HECTD4: variants seen among roughly 807,000 people sequenced by gnomAD.
HECTD4 encodes the protein probable E3 ubiquitin-protein ligase HECTD4.
Under a neutral mutation model 471.5 loss-of-function variants are expected in HECTD4, and 114 were observed. That is an observed-to-expected ratio of 0.24 (90% confidence interval 0.21 to 0.28). The LOEUF is 0.28. Ranked by LOEUF, HECTD4 falls within the 10% of genes least tolerant of loss-of-function variation. The pLI, the probability that HECTD4 is intolerant of heterozygous loss-of-function variation, is 1.00. For missense variants in HECTD4, 3,866 were observed against 5,651.5 expected, an observed-to-expected ratio of 0.68 and a Z score of 10.13; for synonymous variants, 2,012 against 2,256.0, an observed-to-expected ratio of 0.89 and a Z score of 3.07.
chr12:112,279,124 A>G lies in HECTD4; in HGVS notation c.1687+104T>C. 3 of 980,104 alleles carry G rather than the reference A, an allele frequency of 3.1e-6. No individual in the cohort carries two copies. In the South Asian group the frequency reaches 4.7e-5, roughly 15 times the overall value. The allele number at this position is 980,104 out of a possible 1,614,324, so 60.7% of individuals were successfully genotyped here. A position where few individuals can be genotyped will look rare whatever the true frequency, so the allele number is the denominator to read the frequency against. ...TTTTTTGTTATCAGAGAGCTATTGC[A>G]AACAACTATTTAACAAAGTAAGTTT... On this transcript the variant is annotated intron_variant, in intron 9 of 75. Coordinates refer to ENST00000682272, the MANE Select transcript of HECTD4 (RefSeq NM_001388303.1).
rs2030709200 is a variant in HECTD4, at chr12:112,162,048, G to T, written c.*339C>A. 4.4e-6 allele frequency: 1 copy of T among 226,548 alleles called. No individual in the cohort carries two copies. Among genetic ancestry groups the T allele is most frequent in the Non-Finnish European group, 8.8e-6 (1 of 114,238 alleles). 14.0% of individuals were successfully genotyped at this position (226,548 alleles called of 1,614,324 possible). ...TGTACCCCCGGCTTCCTGCTGGGTG[G>T]TTCTGTGATGGGGAACCAGCTGGGG... On this transcript the variant is annotated 3_prime_UTR_variant, in exon 76 of 76. Coordinates refer to ENST00000682272, the MANE Select transcript of HECTD4 (RefSeq NM_001388303.1). This position sits in a 1 kb window ranked among gnomAD's most constrained non-coding sequence, Gnocchi z 5.2.
chr12:112,357,964 A>G (rs555432230), intron 1 of HECTD4, among the ~76,000 whole-genome samples: 2 of 152,354 alleles, frequency 1.3e-5, no homozygotes, highest in African/African-American at 4.8e-5. Flanking sequence ...GCACTTTGGG[A>G]AGCCGAGGCA....
intron 29 of HECTD4, 53 bp from the exon 30 acceptor site, chr12:112,244,062 C>A: frequency 1.9e-6 from 3 of 1,580,510 alleles, no homozygotes; most frequent in Non-Finnish European, 2.6e-6. Context: ...GTACAACAGC[C>A]AAATGCAACA....
intron 44 of HECTD4, among the ~76,000 whole-genome samples, chr12:112,221,409 T>C (rs1452069930): frequency 6.6e-6 from 1 of 151,920 alleles, no homozygotes; most frequent in Non-Finnish European, 1.5e-5. Flanking sequence ...CCACCATGCC[T>C]GGCTTTTTTG....
At chr12:112,206,267 G>T (rs1803998885) in intron 52 of HECTD4, among the ~76,000 whole-genome samples, 1 of 152,040 alleles carries the variant, frequency 6.6e-6, no homozygotes, top group Non-Finnish European at 1.5e-5. Context: ...GGCCCGGGTG[G>T]GAAGACTGTT....
chr12:112,271,049 T>C (rs1039651391), intron 11 of HECTD4, among the ~76,000 whole-genome samples: 1 of 152,174 alleles, frequency 6.6e-6, no homozygotes. Flanking sequence ...TAATATAAAG[T>C]GGACTTTCTT....
chr12:112,280,000 C>A (rs979905078), intron 8 of HECTD4, among the ~76,000 whole-genome samples: 1 of 152,090 alleles, frequency 6.6e-6, no homozygotes. Flanking sequence ...GATTTGGGAG[C>A]ATTTTAGATT....
At chr12:112,297,097 AGAGGGTGTAGGTGCT>A (rs2035048766) in intron 7 of HECTD4, among the ~76,000 whole-genome samples, 1 of 150,830 alleles carries the variant, frequency 6.6e-6, no homozygotes, top group Non-Finnish European at 1.5e-5. Context: ...ATGTAGGTGC[AGAGGGTGTAGGTGCT>A]GTGGATGTAG....
chr12:112,319,598 C>T lies in HECTD4; in HGVS notation c.322G>A (p.Ala108Thr). 7.0e-7 allele frequency: 1 copy of T among 1,424,052 alleles called. No homozygotes were observed. Among genetic ancestry groups the T allele is most frequent in the Non-Finnish European group, 9.1e-7 (1 of 1,093,686 alleles). The allele number at this position is 1,424,052 out of a possible 1,614,324, so 88.2% of individuals were successfully genotyped here. A position where few individuals can be genotyped will look rare whatever the true frequency, so the allele number is the denominator to read the frequency against. ...RGLWNAQRQL[A>T]LEEQHERESS... ...TCCCTTTCATGCTGTTCTTCTAAGG[C>T]CAGCTGGCGCTGGGCATTCCACAGT... is the stretch of plus-strand genomic sequence containing the variant. Residue 108 changes from alanine (A) to threonine (T), a missense_variant, in exon 2 of 76, where the codon GCC (alanine) becomes ACC (threonine). By Grantham distance (58) the Ala-to-Thr change is moderately conservative (BLOSUM62 0). Coordinates refer to ENST00000682272, the MANE Select transcript of HECTD4 (RefSeq NM_001388303.1). The surrounding 1 kb of genome is among the most constrained non-coding windows in gnomAD (Gnocchi z 5.3).
rs374358416 is a variant in HECTD4 at position 112,167,542 on chromosome 12, G to T, written c.12313-4C>A. 7.0e-6 allele frequency: 11 copies of T among 1,569,686 alleles called. No homozygotes were observed. The highest frequency in any genetic ancestry group is 1.4e-5 in the African/African-American group (1 of 73,710). Reference sequence around the variant, plus strand: ...TCGGGGTCAGGATATACTTGCCCTGGAAGTGGAGGTGGGCATGAGGTGACC... The same window carrying T: ...TCGGGGTCAGGATATACTTGCCCTGTAAGTGGAGGTGGGCATGAGGTGACC... On this transcript the variant is annotated splice_region_variant and splice_polypyrimidine_tract_variant and intron_variant, in intron 71 of 75. Coordinates refer to ENST00000682272, the MANE Select transcript of HECTD4 (RefSeq NM_001388303.1).
chr12:112,351,764 T>C (rs2036251343), intron 1 of HECTD4, among the ~76,000 whole-genome samples: 2 of 152,248 alleles, frequency 1.3e-5, no homozygotes, highest in Non-Finnish European at 2.9e-5. Context: ...ATAAAGATTT[T>C]ACTACCAAGG....
Position 112,319,463 on chromosome 12 carries a change from G to C in HECTD4, c.457C>G (p.Leu153Val). ...SRMGLLLVFPLIQSQSRTDPS... is the reference protein window; with the variant it reads ...SRMGLLLVFPVIQSQSRTDPS... ...TCTGTTCTACTCTGGGACTGAATAA[G>C]GGGGAAGACCAGCAGGAGCCCCATC... The change falls in exon 2 of 76, where the codon CTT (leucine) becomes GTT (valine). Residue 153 changes from leucine to valine, a missense_variant. Transcript: ENST00000682272. This position sits in a 1 kb window ranked among gnomAD's most constrained non-coding sequence, Gnocchi z 5.3. 6.6e-7 allele frequency: 1 copy of C among 1,526,694 alleles called. No individual in the cohort carries two copies. The highest frequency in any genetic ancestry group is 8.8e-7 in the Non-Finnish European group (1 of 1,140,766). 94.6% of individuals were successfully genotyped at this position (1,526,694 alleles called of 1,614,324 possible). A position where few individuals can be genotyped will look rare whatever the true frequency, so the allele number is the denominator to read the frequency against.
In HECTD4 at chr12:112,163,350, C is replaced by A; in HGVS notation, c.12898-86G>T. The A allele has an allele frequency of 7.7e-7, 1 of 1,296,510 alleles. No individual in the cohort carries two copies. The highest frequency in any genetic ancestry group is 1.1e-6 in the Non-Finnish European group (1 of 938,498). 80.3% of individuals were successfully genotyped at this position (1,296,510 alleles called of 1,614,324 possible). On this transcript the variant is annotated intron_variant, in intron 74 of 75. Transcript: ENST00000682272. The surrounding 1 kb of genome is among the most constrained non-coding windows in gnomAD (Gnocchi z 8.2). Reference sequence around the variant, plus strand: ...AGCCCTGGGGTCTGCAGGCCAGGCCCAATCCTGGGGCAGGGTGCAACGTGT... The same window carrying A: ...AGCCCTGGGGTCTGCAGGCCAGGCCAAATCCTGGGGCAGGGTGCAACGTGT...
intron 34 of HECTD4, 130 bp downstream of exon 34, chr12:112,238,922 A>T: frequency 1.2e-6 from 1 of 842,664 alleles, no homozygotes; most frequent in Non-Finnish European, 1.8e-6. Context: ...GAAATCATCC[A>T]CTGATTTAAC....
chr12:112,368,869 T>C (rs1472983549), intron 1 of HECTD4, among the ~76,000 whole-genome samples: 2 of 152,112 alleles, frequency 1.3e-5, no homozygotes, highest in African/African-American at 2.4e-5. Flanking sequence ...ATTTTTCACA[T>C]AGGTAAAAAA....
chr12:112,357,424 G>A (rs926260860), intron 1 of HECTD4, among the ~76,000 whole-genome samples: 1 of 152,172 alleles, frequency 6.6e-6, no homozygotes, highest in African/African-American at 2.4e-5. Flanking sequence ...TACTGGGTGG[G>A]GGGCTAAGGT....
chr12:112,227,054 A>C (rs2033258422), intron 43 of HECTD4, among the ~76,000 whole-genome samples: 1 of 152,260 alleles, frequency 6.6e-6, no homozygotes, highest in African/African-American at 2.4e-5. Context: ...ACTGTCTCTT[A>C]AAAGCTTTTC....
chr12:112,364,676 C>A (rs2036526389), intron 1 of HECTD4, among the ~76,000 whole-genome samples: 1 of 151,854 alleles, frequency 6.6e-6, no homozygotes. Context: ...CTGCAGTGAG[C>A]CGTGACTGCG....
At chr12:112,261,477 T>TA in intron 17 of HECTD4, 48 bp from the exon 18 acceptor site, 1 of 1,518,270 alleles carries the variant, frequency 6.6e-7, no homozygotes, top group South Asian at 1.2e-5. Flanking sequence ...GTGATGAACA[T>TA]ACGTTCACAA....
Sources: gnomAD v4.1 joint callset for allele counts (sites outside exome capture counted in the v4.1 genomes callset) on GRCh38, gnomAD v4.1.1 for gene constraint, Gnocchi (gnomAD v3.1) non-coding constraint, MANE v1.5 for transcripts, NCBI Gene and HGNC (gene_info 2026-07-23, HGNC 2026-07-21) for gene names.